Variants in NKAIN2 observed in about 807,000 individuals in gnomAD.
NKAIN2 encodes sodium/potassium-transporting ATPase subunit beta-1-interacting protein 2.
NKAIN2 carries 14 observed loss-of-function variants against 32.6 expected under a neutral mutation model. The observed-to-expected ratio is 0.43, with a 90% CI of 0.28 to 0.67. The LOEUF is 0.67. Among genes scored for constraint, NKAIN2 ranks in the 30% least tolerant of loss-of-function variants. NKAIN2 has a pLI of 0.17. For synonymous variants in NKAIN2, 80 were observed against 87.2 expected (o/e 0.92, Z 0.46); for missense variants, 198 against 258.3 (o/e 0.77, Z 1.60).
Position 123,877,951 on chromosome 6 carries a change from G to T in NKAIN2, c.54+73697G>T, listed in dbSNP as rs1442837687. On this transcript the variant is annotated intron_variant, in intron 1 of 6. Transcript: ENST00000368417. ...TTTAATAAATTGTAATTATCGCCGG[G>T]TGTGGTGGCCTACGCCTGTAATCCC... 3.9e-5 allele frequency among the ~76,000 whole-genome samples: 6 copies of T among 152,160 alleles called. No individual in the cohort carries two copies. In the East Asian group the frequency reaches 1.2e-3, roughly 29 times the overall value.
intron 3 of NKAIN2, among the ~76,000 whole-genome samples, chr6:124,621,029 A>G (rs1266584533): frequency 6.6e-6 from 1 of 152,166 alleles, no homozygotes; most frequent in African/African-American, 2.4e-5. Context: ...CTAAACAGTG[A>G]TTCTCAGCTT....
chr6:124,163,298 C>T (rs570962020), intron 1 of NKAIN2, among the ~76,000 whole-genome samples: 4 of 151,716 alleles, frequency 2.6e-5, no homozygotes, highest in Non-Finnish European at 5.9e-5. Flanking sequence ...AAGGAACAGT[C>T]CTACTTTGTG....
intron 4 of NKAIN2, among the ~76,000 whole-genome samples, chr6:124,761,579 T>C (rs931457941): frequency 7.9e-5 from 12 of 152,198 alleles, no homozygotes; most frequent in Non-Finnish European, 8.8e-5. Context: ...TAGAATACTA[T>C]AATGCCAAAT....
At chr6:124,176,977 A>G (rs1789188659) in intron 1 of NKAIN2, among the ~76,000 whole-genome samples, 1 of 152,064 alleles carries the variant, frequency 6.6e-6, no homozygotes, top group African/African-American at 2.4e-5. Context: ...CTTTCCATAT[A>G]GTTTTAAAAT....
At chr6:123,979,348 G>A (rs936439285) in intron 1 of NKAIN2, among the ~76,000 whole-genome samples, 2 of 152,182 alleles carry the variant, frequency 1.3e-5, no homozygotes, top group African/African-American at 4.8e-5. Context: ...GGCAGTGGGT[G>A]TGCACAGCAT....
chr6:124,018,396 A>G (rs949738875), intron 1 of NKAIN2, among the ~76,000 whole-genome samples: 1 of 152,178 alleles, frequency 6.6e-6, no homozygotes, highest in Non-Finnish European at 1.5e-5. Flanking sequence ...CTAGTTACTT[A>G]TGCAACTTTC....
intron 2 of NKAIN2, among the ~76,000 whole-genome samples, chr6:124,329,965 T>C (rs1323149197): frequency 1.3e-5 from 2 of 152,226 alleles, no homozygotes; most frequent in Non-Finnish European, 2.9e-5. Flanking sequence ...TTTGCCCAGA[T>C]GAATCTTTCC....
intron 4 of NKAIN2, among the ~76,000 whole-genome samples, chr6:124,727,331 G>A (rs2114650680): frequency 6.6e-6 from 1 of 152,246 alleles, no homozygotes; most frequent in South Asian, 2.1e-4. Flanking sequence ...CCCTCAAAGG[G>A]AAGCCCATCA....
chr6:124,574,020 G>T (rs1781235107), intron 3 of NKAIN2, among the ~76,000 whole-genome samples: 1 of 152,090 alleles, frequency 6.6e-6, no homozygotes, highest in Non-Finnish European at 1.5e-5. Context: ...ATAAAAATTG[G>T]AAAAGCTCTG....
intron 4 of NKAIN2, among the ~76,000 whole-genome samples, chr6:124,666,429 T>G (rs1772797404): frequency 6.6e-6 from 1 of 152,140 alleles, no homozygotes; most frequent in Admixed American, 6.5e-5. Flanking sequence ...CATCCCTGAA[T>G]AGTAAAAAAT....
chr6:124,666,733 T>C (rs1047885688), intron 4 of NKAIN2, among the ~76,000 whole-genome samples: 7 of 152,056 alleles, frequency 4.6e-5, no homozygotes, highest in African/African-American at 1.7e-4. Flanking sequence ...TAAAGTCAGA[T>C]TACGTTTAAG....
chr6:124,045,500 G>T (rs1407386130), intron 1 of NKAIN2, among the ~76,000 whole-genome samples: 1 of 151,978 alleles, frequency 6.6e-6, no homozygotes, highest in Non-Finnish European at 1.5e-5. Flanking sequence ...CACAAATGTG[G>T]TTGTAAATGC....
rs1019385162 is a variant in NKAIN2, at chr6:124,301,129, A to C, written c.192+17987A>C. Among the ~76,000 whole-genome samples the C allele has an allele frequency of 2.0e-5, 3 of 152,188 alleles. No homozygotes were observed. The South Asian group carries it at 6.2e-4, about 32-fold the overall frequency. ...GTCCAGGGCCCCTCTCCTGTGTGCC[A>C]CCTAGGGACTTGCTGCCCTACATCC... On this transcript the variant is annotated intron_variant, in intron 2 of 6. Coordinates refer to ENST00000368417, the MANE Select transcript of NKAIN2 (RefSeq NM_001040214.3).
intron 3 of NKAIN2, among the ~76,000 whole-genome samples, chr6:124,587,629 A>G (rs929175661): frequency 6.6e-6 from 1 of 152,166 alleles, no homozygotes; most frequent in Admixed American, 6.5e-5. Context: ...CCCCAGGCCC[A>G]GGGCCAGGTT....
At chr6:124,120,750 C>T (rs1263277856) in intron 1 of NKAIN2, among the ~76,000 whole-genome samples, 3 of 152,016 alleles carry the variant, frequency 2.0e-5, no homozygotes, top group African/African-American at 7.2e-5. Flanking sequence ...ATCACTTGAG[C>T]TTTTAAATGT....
At chr6:123,999,205 A>G (rs1779774265) in intron 1 of NKAIN2, among the ~76,000 whole-genome samples, 13 of 152,134 alleles carry the variant, frequency 8.5e-5, no homozygotes, top group Admixed American at 8.5e-4. Context: ...GAGAATGGAA[A>G]ATAAGCAATC....
chr6:124,483,823 A>T (rs974462948), intron 3 of NKAIN2, among the ~76,000 whole-genome samples: 5 of 152,046 alleles, frequency 3.3e-5, no homozygotes, highest in Non-Finnish European at 7.4e-5. Context: ...TAATATTTTT[A>T]TATAAATTGA....
intron 3 of NKAIN2, among the ~76,000 whole-genome samples, chr6:124,651,869 T>C (rs2114399915): frequency 6.6e-6 from 1 of 152,326 alleles, no homozygotes; most frequent in South Asian, 2.1e-4. Context: ...CTTCTAGCCA[T>C]ACTGATCTCC....
chr6:124,481,629 G>T (rs549216427), intron 3 of NKAIN2, among the ~76,000 whole-genome samples: 3 of 152,188 alleles, frequency 2.0e-5, no homozygotes, highest in African/African-American at 7.2e-5. Context: ...TTGTTTCAGA[G>T]ATTAGTGAGA....
Sources: allele counts gnomAD v4.1 joint callset (sites outside exome capture counted in the v4.1 genomes callset), GRCh38; gene constraint gnomAD v4.1.1; transcripts MANE v1.5; gene names NCBI Gene and HGNC (gene_info 2026-07-23, HGNC 2026-07-21).